The following UGDH variants were observed in gnomAD, a reference collection of about 807,000 sequenced individuals.
UGDH encodes the protein UDP-glucose 6-dehydrogenase.
UGDH carries 38 observed loss-of-function variants against 50.6 expected under a neutral mutation model. That is an observed-to-expected ratio of 0.75 (90% CI 0.58 to 0.98). The LOEUF is 0.98. Ranked by LOEUF, UGDH falls within the 50% of genes least tolerant of loss-of-function variation. UGDH has a pLI of 0.00. For synonymous variants in UGDH, 168 were observed against 199.9 expected, an observed-to-expected ratio of 0.84 and a Z score of 1.35; for missense variants, 465 against 606.2, an observed-to-expected ratio of 0.77 and a Z score of 2.45.
intron 2 of UGDH, among the ~76,000 whole-genome samples, chr4:39,520,670 T>C (rs1746614166): frequency 6.6e-6 from 1 of 151,740 alleles, no homozygotes; most frequent in East Asian, 1.9e-4. Context: ...TCCAAAAATA[T>C]ATTAAATTTA....
chr4:39,518,493 C>A (rs1357815217), intron 2 of UGDH, among the ~76,000 whole-genome samples: 1 of 151,794 alleles, frequency 6.6e-6, no homozygotes, highest in Non-Finnish European at 1.5e-5. Flanking sequence ...GGACCACAAG[C>A]ACATGCCACA....
intron 10 of UGDH, among the ~76,000 whole-genome samples, 184 bp from the exon 11 acceptor site, chr4:39,504,169 G>T (rs565385983): frequency 6.6e-6 from 1 of 152,116 alleles, no homozygotes; most frequent in South Asian, 2.1e-4. Context: ...TTAGTTGGGC[G>T]TGGTGGCAGG....
intron 1 of UGDH, among the ~76,000 whole-genome samples, chr4:39,523,287 T>C (rs1017173000): frequency 1.3e-5 from 2 of 151,288 alleles, no homozygotes; most frequent in Non-Finnish European, 2.9e-5. Context: ...CCTGAGCTCA[T>C]GCAATCTGCC....
At chr4:39,518,384 T>C (rs67151412) in intron 2 of UGDH, among the ~76,000 whole-genome samples, 17,195 of 152,136 alleles carry the variant, frequency 0.11, 1,300 homozygotes, top group East Asian at 0.26. Context: ...GGTCTCACTT[T>C]GTTGCCCAGG....
intron 9 of UGDH, 70 bp from the exon 10 acceptor site, chr4:39,504,578 C>T: frequency 7.4e-7 from 1 of 1,345,836 alleles, no homozygotes; most frequent in East Asian, 2.4e-5. Flanking sequence ...TAGTTCCCCC[C>T]TTATCTGCAG....
rs1320868358 is a variant in UGDH at position 39,505,375 on chromosome 4, AG to A, written c.1038-6del. 2 of 1,505,452 alleles carry A rather than the reference AG, an allele frequency of 1.3e-6. No individual in the cohort carries two copies. The highest frequency in any genetic ancestry group is 1.8e-6 in the Non-Finnish European group (2 of 1,131,194). 93.3% of individuals were successfully genotyped at this position (1,505,452 alleles called of 1,614,324 possible). Reference sequence around the variant, plus strand: ...ATATATATACTAGAAGATTCTCTATAGGAAAAAAAAAATCAGTATTGGTAAG... The same window carrying A: ...ATATATATACTAGAAGATTCTCTATAGAAAAAAAAAATCAGTATTGGTAAG... On this transcript the variant is annotated splice_polypyrimidine_tract_variant and splice_region_variant and intron_variant, in intron 8 of 11. Transcript: ENST00000316423.
At chr4:39,525,663 C>T (rs966719363) in intron 1 of UGDH, among the ~76,000 whole-genome samples, 14 of 145,784 alleles carry the variant, frequency 9.6e-5, no homozygotes, top group South Asian at 4.3e-4. Context: ...CCCGCCACTA[C>T]GCCCGGCTAA....
chr4:39,524,479 A>G (rs1746794878), intron 1 of UGDH, among the ~76,000 whole-genome samples: 3 of 151,812 alleles, frequency 2.0e-5, no homozygotes, highest in South Asian at 4.2e-4. Flanking sequence ...GTATTTTTGC[A>G]GTAATTGACC....
At position 39,521,274 on chromosome 4, in the gene UGDH, T is replaced by C. The variant is rs539872773; in HGVS notation, c.162+77A>G. On this transcript the variant is annotated intron_variant, in intron 2 of 11. Coordinates refer to ENST00000316423, the MANE Select transcript of UGDH (RefSeq NM_003359.4). Reference sequence around the variant, plus strand: ...CCAGTTGCTGTTATAGATTTTTATATTAATAGTGCATATAAATGATATAAT... The same window carrying C: ...CCAGTTGCTGTTATAGATTTTTATACTAATAGTGCATATAAATGATATAAT... 4.6e-4 allele frequency: 622 copies of C among 1,349,432 alleles called. 13 individuals are homozygous for C. The South Asian group carries it at 0.01, about 23-fold the overall frequency. The allele number at this position is 1,349,432 out of a possible 1,614,324, so 83.6% of individuals were successfully genotyped here. A position where few individuals can be genotyped will look rare whatever the true frequency, so the allele number is the denominator to read the frequency against.
At chr4:39,510,273 G>GT in intron 5 of UGDH, 80 bp downstream of exon 5, 1 of 1,397,590 alleles carries the variant, frequency 7.2e-7, no homozygotes, top group Non-Finnish European at 1.0e-6. Context: ...TATTAAAAAA[G>GT]TATCTGTGTA....
intron 2 of UGDH, among the ~76,000 whole-genome samples, chr4:39,520,489 TA>T (rs5857682): frequency 1.5e-4 from 22 of 150,326 alleles, no homozygotes; most frequent in African/African-American, 2.7e-4. Context: ...AGTGAAATAA[TA>T]AAAAAAAAGG....
intron 3 of UGDH, among the ~76,000 whole-genome samples, chr4:39,512,796 G>C (rs574635573): frequency 1.8e-4 from 27 of 151,052 alleles, no homozygotes; most frequent in Admixed American, 7.3e-4. Flanking sequence ...AAGTGATTAA[G>C]GAGGTCAAAA....
chr4:39,510,963 T>C, intron 3 of UGDH, 102 bp from the exon 4 acceptor site: 3 of 1,082,608 alleles, frequency 2.8e-6, no homozygotes, highest in Admixed American at 1.9e-5. Context: ...CAATCATCAG[T>C]AGCCCTGATT....
At chr4:39,501,305 C>T (rs1219203207) in intron 11 of UGDH, among the ~76,000 whole-genome samples, 6 of 136,184 alleles carry the variant, frequency 4.4e-5, no homozygotes, top group African/African-American at 8.3e-5. Context: ...GATGGAGTCT[C>T]GCTCTGTTGC....
Position 39,501,520 on chromosome 4 carries a change from G to A in UGDH, c.1375-1267C>T, listed in dbSNP as rs540133227. On this transcript the variant is annotated intron_variant, in intron 11 of 11. Transcript: ENST00000316423. ...GATCTCCTGACCTCATGATCCGCCC[G>A]CCTCGGCCTCCCAAAGTGCTGGGAT... 9.9e-5 allele frequency among the ~76,000 whole-genome samples: 15 copies of A among 151,650 alleles called. No homozygotes were observed. The South Asian group carries it at 2.3e-3, about 23-fold the overall frequency.
At chr4:39,509,709 C>T in intron 6 of UGDH, 51 bp downstream of exon 6, 2 of 1,569,408 alleles carry the variant, frequency 1.3e-6, no homozygotes, top group Non-Finnish European at 1.7e-6. Flanking sequence ...AATAATATGC[C>T]TTCAGTAAAT....
chr4:39,505,704 C>T lies in UGDH; in HGVS notation c.951G>A (p.Arg317=), dbSNP rs1415648026. The T allele has an allele frequency of 6.2e-7, 1 of 1,610,580 alleles. No homozygotes were observed. Among genetic ancestry groups the T allele is most frequent in the Non-Finnish European group, 8.5e-7 (1 of 1,178,018 alleles). The change falls in exon 8 of 12, where the codon CGG becomes CGA. Residue 317 remains arginine (R), a synonymous_variant. Transcript: ENST00000316423. ...NDYQRRRFAS[R]IIDSLFNTVT... is the part of the protein sequence containing the mutation. The stretch of plus-strand genomic sequence containing the variant: ...CTGTATTAAACAGACTATCTATGAT[C>T]CGGGAAGCAAACCTCCTCCTCTGGT...
intron 2 of UGDH, among the ~76,000 whole-genome samples, chr4:39,519,219 A>AT (rs34649850): frequency 0.17 from 24,988 of 145,946 alleles, 2,252 homozygotes; most frequent in East Asian, 0.3. Flanking sequence ...GCCTGGCCGT[A>AT]TTTTTTTTTT....
At chr4:39,504,618 C>A in intron 9 of UGDH, 110 bp from the exon 10 acceptor site, 1 of 958,790 alleles carries the variant, frequency 1.0e-6, no homozygotes, top group Non-Finnish European at 1.6e-6. Flanking sequence ...CAGTAGATGT[C>A]TGAAACTGTG....
Sources: allele counts gnomAD v4.1 joint callset (sites outside exome capture counted in the v4.1 genomes callset), GRCh38; gene constraint gnomAD v4.1.1; transcripts MANE v1.5; gene names NCBI Gene and HGNC (gene_info 2026-07-23, HGNC 2026-07-21).